The following OR3A2 variants were observed in gnomAD, a reference collection of about 807,000 sequenced individuals.
OR3A2 encodes olfactory receptor family 3 subfamily A member 2, also known as olfactory receptor 3A2.
For synonymous variants in OR3A2, 126 were observed against 159.3 expected (o/e 0.79, Z 1.57); for missense variants, 318 against 392.8 (o/e 0.81, Z 1.61).
intron 2 of OR3A2, among the ~76,000 whole-genome samples, chr17:3,341,849 T>C (rs1205671321): frequency 6.6e-6 from 1 of 152,248 alleles, no homozygotes; most frequent in Non-Finnish European, 1.5e-5. Context: ...GATAATATCT[T>C]GAAGAGTGTT....
chr17:3,339,328 G>A (rs2049297117), intron 2 of OR3A2, among the ~76,000 whole-genome samples: 1 of 152,152 alleles, frequency 6.6e-6, no homozygotes, highest in South Asian at 2.1e-4. Flanking sequence ...GGTGAGAGAG[G>A]GCATCCATGT....
chr17:3,353,823 C>T (rs1028413217), intron 2 of OR3A2, among the ~76,000 whole-genome samples: 2 of 151,616 alleles, frequency 1.3e-5, no homozygotes, highest in Admixed American at 6.6e-5. Context: ...ACAAACAATC[C>T]AATTATATTG....
intron 3 of OR3A2, among the ~76,000 whole-genome samples, chr17:3,308,940 C>T (rs2519716): frequency 8.3e-5 from 12 of 144,446 alleles, no homozygotes; most frequent in African/African-American, 3.1e-4. Flanking sequence ...GAGTCTCGCT[C>T]TGTCACCCAG....
intron 2 of OR3A2, among the ~76,000 whole-genome samples, chr17:3,338,666 T>C (rs1277178481): frequency 6.6e-6 from 1 of 152,222 alleles, no homozygotes; most frequent in Non-Finnish European, 1.5e-5. Context: ...CTGTTTTGGT[T>C]ACTGCAGCCG....
In OR3A2 at chr17:3,384,814, T is replaced by G. The variant is rs140601174; in HGVS notation, c.-274-915A>C. 2.7e-3 allele frequency among the ~76,000 whole-genome samples: 406 copies of G among 152,256 alleles called. 3 individuals are homozygous for G. The East Asian group carries it at 0.034, about 13-fold the overall frequency. On this transcript the variant is annotated intron_variant, in intron 1 of 4. Transcript: ENST00000573491. Reference sequence around the variant, plus strand: ...TTTTTGTTGATGGCTGCTTTTGCACTGCAACTTCTGAGCTGAGTTGTTGCA... The same window carrying G: ...TTTTTGTTGATGGCTGCTTTTGCACGGCAACTTCTGAGCTGAGTTGTTGCA...
intron 2 of OR3A2, among the ~76,000 whole-genome samples, chr17:3,364,090 T>C (rs537475924): frequency 5.9e-5 from 9 of 152,188 alleles, no homozygotes; most frequent in Non-Finnish European, 1.2e-4. Context: ...ATGATATAAA[T>C]GTATGTGTAG....
At chr17:3,370,474 G>C (rs1038141852) in intron 2 of OR3A2, among the ~76,000 whole-genome samples, 1 of 152,056 alleles carries the variant, frequency 6.6e-6, no homozygotes, top group African/African-American at 2.4e-5. Context: ...CAAAGAACCA[G>C]CTTTTTGTTT....
At chr17:3,365,703 G>A (rs1287261074) in intron 2 of OR3A2, among the ~76,000 whole-genome samples, 1 of 152,102 alleles carries the variant, frequency 6.6e-6, no homozygotes, top group Non-Finnish European at 1.5e-5. Flanking sequence ...AGTTGCATGG[G>A]GTCCTAGCTG....
intron 3 of OR3A2, among the ~76,000 whole-genome samples, chr17:3,328,557 C>T (rs2150640385): frequency 6.9e-6 from 1 of 145,414 alleles, no homozygotes; most frequent in Middle Eastern, 3.5e-3. Flanking sequence ...ATTTCCTTCT[C>T]CTGCCTAATT....
intron 3 of OR3A2, among the ~76,000 whole-genome samples, chr17:3,335,033 G>A (rs917605281): frequency 2.0e-5 from 3 of 152,106 alleles, no homozygotes; most frequent in African/African-American, 7.2e-5. Context: ...GCTAATTTGA[G>A]AGGCAAAAGT....
chr17:3,345,662 G>T (rs1319718785), intron 2 of OR3A2, among the ~76,000 whole-genome samples: 1 of 152,018 alleles, frequency 6.6e-6, no homozygotes, highest in African/African-American at 2.4e-5. Context: ...CTCCCAGAAA[G>T]TAGAGAGAAA....
intron 3 of OR3A2, among the ~76,000 whole-genome samples, chr17:3,330,783 A>G (rs2049225301): frequency 6.6e-6 from 1 of 151,504 alleles, no homozygotes; most frequent in African/African-American, 2.4e-5. Flanking sequence ...TTTGCTTGTT[A>G]GTTGATGCAG....
At chr17:3,350,748 C>CA (rs2049413146) in intron 2 of OR3A2, among the ~76,000 whole-genome samples, 1 of 150,988 alleles carries the variant, frequency 6.6e-6, no homozygotes, top group African/African-American at 2.4e-5. Flanking sequence ...AATTTTAGAC[C>CA]AATATCCTTG....
intron 2 of OR3A2, among the ~76,000 whole-genome samples, chr17:3,378,934 T>C (rs1191216759): frequency 6.6e-6 from 1 of 152,028 alleles, no homozygotes; most frequent in East Asian, 1.9e-4. Context: ...CCCTCAAACA[T>C]GAAAGAATCA....
chr17:3,335,401 T>C lies in OR3A2; in HGVS notation c.-85+632A>G, dbSNP rs567000976. Among the ~76,000 whole-genome samples, 17 of 152,286 alleles carry C rather than the reference T, an allele frequency of 1.1e-4. 1 individual carries two copies. In the South Asian group the frequency reaches 3.5e-3, roughly 32 times the overall value. ...TTTCTTTTGATACATTTTATAAATA[T>C]ATGTATCCAAGAGGGATTTTTCCAA... On this transcript the variant is annotated intron_variant, in intron 3 of 4. Coordinates refer to the OR3A2 transcript ENST00000573491.
intron 3 of OR3A2, among the ~76,000 whole-genome samples, chr17:3,303,066 G>A (rs923720024): frequency 6.6e-6 from 1 of 152,148 alleles, no homozygotes; most frequent in African/African-American, 2.4e-5. Flanking sequence ...GTGGCCAATA[G>A]ATCAGTAGGA....
chr17:3,318,220 G>A lies in OR3A2; in HGVS notation c.-85+17813C>T, dbSNP rs557638670. Among the ~76,000 whole-genome samples, 5 of 152,262 alleles carry A rather than the reference G, an allele frequency of 3.3e-5. No homozygotes were observed. The East Asian group carries it at 9.7e-4, about 29-fold the overall frequency. ...GGATAATGCAGCCTAGGTGCTGAGG[G>A]AAGACTGGGAATTTCCTGACTGTCT... On this transcript the variant is annotated intron_variant, in intron 3 of 4. Transcript: ENST00000573491.
chr17:3,321,692 G>A (rs562364614), intron 3 of OR3A2, among the ~76,000 whole-genome samples: 303 of 152,228 alleles, frequency 2.0e-3, no homozygotes, highest in African/African-American at 7.1e-3. Flanking sequence ...TTATTGATTG[G>A]CATATGTTGA....
At chr17:3,336,519 A>G (rs1404106084) in intron 2 of OR3A2, among the ~76,000 whole-genome samples, 2 of 152,236 alleles carry the variant, frequency 1.3e-5, no homozygotes, top group African/African-American at 4.8e-5. Context: ...AGAATTTCAA[A>G]TAAACTTAGA....
Sources: gnomAD v4.1 joint callset for allele counts (sites outside exome capture counted in the v4.1 genomes callset) on GRCh38, gnomAD v4.1.1 for gene constraint, MANE v1.5 for transcripts, NCBI Gene and HGNC (gene_info 2026-07-23, HGNC 2026-07-21) for gene names.